Variants in ACSF3 observed in about 807,000 individuals in gnomAD.
The protein encoded by ACSF3 is malonate--CoA ligase ACSF3, mitochondrial.
ACSF3 carries 78 observed loss-of-function variants against 53.2 expected under a neutral mutation model. That is an observed-to-expected ratio of 1.47 (90% CI 1.22 to 1.77). The LOEUF is 1.77. Ranked by LOEUF, ACSF3 falls within the 40% of genes most tolerant of loss-of-function variation. ACSF3 has a pLI of 0.00. For missense variants in ACSF3, 937 were observed against 771.1 expected (o/e 1.22, Z -2.55); for synonymous variants, 414 against 333.1 (o/e 1.24, Z -2.65).
intron 8 of ACSF3, among the ~76,000 whole-genome samples, chr16:89,143,597 C>G (rs938855617): frequency 6.6e-6 from 1 of 152,160 alleles, no homozygotes; most frequent in Non-Finnish European, 1.5e-5. Flanking sequence ...CCAGGCTGCA[C>G]AGCAGGAGCA....
At position 89,146,730 on chromosome 16, in the gene ACSF3, C is replaced by T. The variant is rs140198899; in HGVS notation, c.1613+681C>T. Among the ~76,000 whole-genome samples the T allele has an allele frequency of 4.5e-3, 689 of 152,220 alleles. 2 individuals are homozygous for T. The highest frequency in any genetic ancestry group is 0.02 in the Middle Eastern group (6 of 294). The stretch of plus-strand genomic sequence containing the variant: ...AACTCACCTGCATTTTTTGTTTTGC[C>T]TTTACCTTACCCAGAACCTTTCCCC... On this transcript the variant is annotated intron_variant, in intron 10 of 10. Coordinates refer to ENST00000614302, the MANE Select transcript of ACSF3 (RefSeq NM_001243279.3).
In ACSF3 at chr16:89,122,180, C is replaced by A. The variant is rs77073268; in HGVS notation, c.1239+1267C>A. 4.0e-3 allele frequency among the ~76,000 whole-genome samples: 418 copies of A among 104,424 alleles called. 13 individuals are homozygous for A. The highest frequency in any genetic ancestry group is 6.5e-3 in the Non-Finnish European group (304 of 47,024). 68.5% of individuals were successfully genotyped at this position (104,424 alleles called of 152,430 possible). The stretch of plus-strand genomic sequence containing the variant: ...CCCTGAAGTGGGTATTCTGTTTCCC[C>A]ATGGAAACCTCTCACCTGGGGCCAC... On this transcript the variant is annotated intron_variant, in intron 7 of 10. Coordinates refer to ENST00000614302, the MANE Select transcript of ACSF3 (RefSeq NM_001243279.3).
At chr16:89,142,536 C>T (rs913950986) in intron 8 of ACSF3, among the ~76,000 whole-genome samples, 39 of 80,282 alleles carry the variant, frequency 4.9e-4, no homozygotes, top group African/African-American at 2.2e-3. Context: ...CCTGCAGACA[C>T]ACCCACACCT....
chr16:89,120,923 T>C lies in ACSF3; in HGVS notation c.1239+10T>C, dbSNP rs2151479176. 1 of 1,612,018 alleles carries C rather than the reference T, an allele frequency of 6.2e-7. No homozygotes were observed. Among genetic ancestry groups the C allele is most frequent in the Non-Finnish European group, 8.5e-7 (1 of 1,178,484 alleles). On this transcript the variant is annotated intron_variant, in intron 7 of 10. Coordinates refer to ENST00000614302, the MANE Select transcript of ACSF3 (RefSeq NM_001243279.3). The stretch of plus-strand genomic sequence containing the variant: ...CGAGAGGGGGACCAAGGTAAGCCAC[T>C]CTGCTCTTGGCAGGTGGGCGGCCGT...
In ACSF3 at chr16:89,113,578, C is replaced by G. The variant is rs1281871261; in HGVS notation, c.978-761C>G. On this transcript the variant is annotated intron_variant, in intron 5 of 10. Transcript: ENST00000614302. ...TCTGGGGTGACAGAGGCAATGAGAC[C>G]TCGGCCATCTGGATCTCCCAGCGGG... 8 of 154,558 alleles carry G rather than the reference C, an allele frequency of 5.2e-5. 1 individual carries two copies. The highest frequency in any genetic ancestry group is 2.6e-4 in the Admixed American group (4 of 15,676). The allele number at this position is 154,558 out of a possible 1,614,324, so 9.6% of individuals were successfully genotyped here. A position where few individuals can be genotyped will look rare whatever the true frequency, so the allele number is the denominator to read the frequency against.
At chr16:89,095,428 T>C (rs1974494578) in intron 1 of ACSF3, 1 of 152,200 alleles carries the variant, frequency 6.6e-6, no homozygotes, top group Non-Finnish European at 1.5e-5. Flanking sequence ...ATGAATGCAA[T>C]GTGAATGTCT....
At chr16:89,096,861 G>A (rs1974677535) in intron 1 of ACSF3, among the ~76,000 whole-genome samples, 1 of 152,218 alleles carries the variant, frequency 6.6e-6, no homozygotes, top group Admixed American at 6.5e-5. Flanking sequence ...TGGGAGCTGG[G>A]ACCATGTCAC....
intron 10 of ACSF3, chr16:89,149,716 T>A (rs72819312): frequency 6.6e-6 from 1 of 152,306 alleles, no homozygotes; most frequent in African/African-American, 2.4e-5. Context: ...TGGCTGGGTC[T>A]AGGGCTTTTC....
chr16:89,094,717 A>AC (rs771246735), intron 1 of ACSF3, among the ~76,000 whole-genome samples: 6 of 151,942 alleles, frequency 3.9e-5, no homozygotes, highest in Non-Finnish European at 5.9e-5. Flanking sequence ...ACATGGTGAG[A>AC]CCCCTATCTC....
intron 5 of ACSF3, chr16:89,113,667 G>A (rs762671808): frequency 1.8e-5 from 3 of 167,264 alleles, no homozygotes; most frequent in Non-Finnish European, 4.0e-5. Flanking sequence ...CGCTCAGACC[G>A]CAAACAAAAG....
chr16:89,130,690 A>T (rs1909096840), intron 7 of ACSF3, among the ~76,000 whole-genome samples: 1 of 152,180 alleles, frequency 6.6e-6, no homozygotes, highest in East Asian at 1.9e-4. Flanking sequence ...TTGGATTATG[A>T]TGTGTCTGGG....
chr16:89,120,927 C>T lies in ACSF3; in HGVS notation c.1239+14C>T, dbSNP rs1597987035. The T allele has an allele frequency of 6.2e-7, 1 of 1,611,128 alleles. No individual in the cohort carries two copies. Among genetic ancestry groups the T allele is most frequent in the East Asian group, 2.2e-5 (1 of 44,862 alleles). On this transcript the variant is annotated intron_variant, in intron 7 of 10. Coordinates refer to ENST00000614302, the MANE Select transcript of ACSF3 (RefSeq NM_001243279.3). ...AGGGGGACCAAGGTAAGCCACTCTG[C>T]TCTTGGCAGGTGGGCGGCCGTGTGT...
chr16:89,096,990 T>G (rs1974693733), intron 1 of ACSF3, among the ~76,000 whole-genome samples: 1 of 150,286 alleles, frequency 6.7e-6, no homozygotes, highest in Non-Finnish European at 1.5e-5. Flanking sequence ...CACTTTGAGT[T>G]TGCCCAGCCC....
chr16:89,145,448 G>A (rs780757375), intron 9 of ACSF3, 47 bp downstream of exon 9: 1 of 1,608,838 alleles, frequency 6.2e-7, no homozygotes, highest in East Asian at 2.2e-5. Flanking sequence ...GACGGGTGCT[G>A]CCTTCCATGT....
chr16:89,105,457 G>T (rs1450112218), intron 4 of ACSF3, among the ~76,000 whole-genome samples: 1 of 152,188 alleles, frequency 6.6e-6, no homozygotes, highest in Non-Finnish European at 1.5e-5. Flanking sequence ...TGTGTGGGTG[G>T]TGCAGCGCCT....
At chr16:89,111,436 C>T (rs1976664787) in intron 4 of ACSF3, among the ~76,000 whole-genome samples, 1 of 152,230 alleles carries the variant, frequency 6.6e-6, no homozygotes, top group Admixed American at 6.5e-5. Flanking sequence ...TGTCCTGGGC[C>T]TCCCTTAGGT....
chr16:89,136,445 G>C lies in ACSF3; in HGVS notation c.1366+3183G>C, dbSNP rs763761088. ...GTCACAGGCCATTAGCGATGCTGCT[G>C]CATAATGAGAGCCTGCAATCAGCTC... On this transcript the variant is annotated intron_variant, in intron 8 of 10. Coordinates refer to ENST00000614302, the MANE Select transcript of ACSF3 (RefSeq NM_001243279.3). 3.6e-6 allele frequency: 4 copies of C among 1,125,354 alleles called. No homozygotes were observed. The East Asian group carries it at 2.4e-4, about 67-fold the overall frequency. 69.7% of individuals were successfully genotyped at this position (1,125,354 alleles called of 1,614,324 possible). A position where few individuals can be genotyped will look rare whatever the true frequency, so the allele number is the denominator to read the frequency against.
intron 8 of ACSF3, among the ~76,000 whole-genome samples, chr16:89,139,157 C>T (rs1287387696): frequency 6.6e-6 from 1 of 152,212 alleles, no homozygotes; most frequent in Non-Finnish European, 1.5e-5. Context: ...GCCCAGGAGA[C>T]ACTGAGGTTT....
At chr16:89,128,361 A>G (rs1029335806) in intron 7 of ACSF3, among the ~76,000 whole-genome samples, 1 of 151,812 alleles carries the variant, frequency 6.6e-6, no homozygotes, top group African/African-American at 2.4e-5. Flanking sequence ...CCCAGGTTCA[A>G]GCAATTCTCC....
Sources: allele counts gnomAD v4.1 joint callset (sites outside exome capture counted in the v4.1 genomes callset), GRCh38; gene constraint gnomAD v4.1.1; transcripts MANE v1.5; gene names NCBI Gene and HGNC (gene_info 2026-07-23, HGNC 2026-07-21).